The following TNS3 variants were observed in gnomAD, a reference collection of about 807,000 sequenced individuals.
The protein encoded by TNS3 is tensin 3, also known as tensin-3.
TNS3 carries 45 observed loss-of-function variants against 140.9 expected under a neutral mutation model. That is an observed-to-expected ratio of 0.32 (90% CI 0.25 to 0.41). The LOEUF is 0.41. Ranked by LOEUF, TNS3 falls within the 10% of genes least tolerant of loss-of-function variation. The pLI, the probability that TNS3 is intolerant of heterozygous loss-of-function variation, is 1.00. For synonymous variants in TNS3, 815 were observed against 788.4 expected (o/e 1.03, Z -0.56); for missense variants, 1,716 against 1,906.7 (o/e 0.90, Z 1.86).
At chr7:47,577,288 G>T (rs145881588) in intron 1 of TNS3, among the ~76,000 whole-genome samples, 1 of 152,348 alleles carries the variant, frequency 6.6e-6, no homozygotes, top group East Asian at 1.9e-4. Flanking sequence ...CCTGCAAAGG[G>T]CGTATTAAGT....
At chr7:47,352,274 G>GA (rs1320374685) in intron 17 of TNS3, among the ~76,000 whole-genome samples, 3 of 152,166 alleles carry the variant, frequency 2.0e-5, no homozygotes, top group African/African-American at 7.2e-5. Context: ...CTCTCACAGT[G>GA]TTTTTCATGA....
chr7:47,384,636 G>A (rs1410434453), intron 16 of TNS3, among the ~76,000 whole-genome samples: 1 of 152,208 alleles, frequency 6.6e-6, no homozygotes, highest in African/African-American at 2.4e-5. Flanking sequence ...CTCTTCAGGA[G>A]TGGTGGCCAG....
At chr7:47,389,020 A>G (rs1348950805) in intron 16 of TNS3, among the ~76,000 whole-genome samples, 4 of 2,428 alleles carry the variant, frequency 1.6e-3, no homozygotes, top group Non-Finnish European at 3.6e-3. Context: ...AAGAAGAAGA[A>G]GAAGAAGAAG....
At chr7:47,426,784 A>G (rs1794674795) in intron 9 of TNS3, among the ~76,000 whole-genome samples, 1 of 152,176 alleles carries the variant, frequency 6.6e-6, no homozygotes, top group Non-Finnish European at 1.5e-5. Context: ...GACTATCCAC[A>G]GTGCATGGAA....
rs531451928 is a variant in TNS3, at chr7:47,342,037, C to T, written c.2650+2718G>A. ...AGGTGTTCCTGTTGCCCTTCTGTTA[C>T]TGATTTCTAGTGAGTCCATTGTGGT... On this transcript the variant is annotated intron_variant, in intron 20 of 30. Transcript: ENST00000311160. Among the ~76,000 whole-genome samples the T allele has an allele frequency of 2.6e-5, 4 of 152,150 alleles. No individual in the cohort carries two copies. The East Asian group carries it at 7.8e-4, about 29-fold the overall frequency.
chr7:47,363,143 C>T (rs1790482522), intron 17 of TNS3, among the ~76,000 whole-genome samples: 1 of 81,092 alleles, frequency 1.2e-5, no homozygotes, highest in Admixed American at 1.3e-4. Flanking sequence ...CTGTCATCAT[C>T]ACCATCATCA....
rs753672940 is a variant in TNS3, at chr7:47,344,910, T to G, written c.2566+14A>C. 2 of 1,613,784 alleles carry G rather than the reference T, an allele frequency of 1.2e-6. No homozygotes were observed. The highest frequency in any genetic ancestry group is 4.5e-5 in the East Asian group (2 of 44,878). On this transcript the variant is annotated intron_variant, in intron 19 of 30. Transcript: ENST00000311160. ...ATGGAGCAGCACATGCAGCTAGTGT[T>G]ACTTCATTCTTACCATACGGTGTCT...
At chr7:47,338,382 A>G (rs1341899974) in intron 20 of TNS3, among the ~76,000 whole-genome samples, 3 of 152,190 alleles carry the variant, frequency 2.0e-5, no homozygotes, top group Admixed American at 2.0e-4. Flanking sequence ...TTTTTATTTT[A>G]GCCATTCTGA....
At position 47,459,017 on chromosome 7, in the gene TNS3, T is replaced by C. The variant is rs116773399; in HGVS notation, c.-75-16962A>G. Among the ~76,000 whole-genome samples, 551 of 152,318 alleles carry C rather than the reference T, an allele frequency of 3.6e-3. 3 individuals are homozygous for C. The highest frequency in any genetic ancestry group is 0.013 in the African/African-American group (525 of 41,574). ...GGCGACTTTCTTCCGCCCATACTTA[T>C]TTAAAAGCCAAATGGTGCTTTATGT... On this transcript the variant is annotated intron_variant, in intron 4 of 30. Coordinates refer to ENST00000311160, the MANE Select transcript of TNS3 (RefSeq NM_022748.12).
intron 17 of TNS3, among the ~76,000 whole-genome samples, chr7:47,347,066 G>A (rs1789386690): frequency 6.6e-6 from 1 of 152,090 alleles, no homozygotes; most frequent in South Asian, 2.1e-4. Flanking sequence ...TGGCAGTTAG[G>A]AAAAACCTGC....
intron 13 of TNS3, chr7:47,405,501 G>C (rs1260333015): frequency 1.4e-6 from 1 of 702,970 alleles, no homozygotes; most frequent in Admixed American, 2.0e-5. Context: ...CACTAACCAT[G>C]ATTTCTTCAC....
intron 20 of TNS3, among the ~76,000 whole-genome samples, chr7:47,311,017 C>G (rs1441198814): frequency 2.0e-5 from 3 of 151,610 alleles, no homozygotes; most frequent in Admixed American, 2.0e-4. Context: ...GTGAATAGTT[C>G]GCAATAAGCA....
chr7:47,425,865 A>T (rs185242088), intron 9 of TNS3, among the ~76,000 whole-genome samples: 19 of 152,270 alleles, frequency 1.2e-4, no homozygotes, highest in Admixed American at 1.2e-3. Context: ...TTTGTGATAA[A>T]GATCTCAAAT....
chr7:47,569,698 A>G (rs1278696769), intron 1 of TNS3, among the ~76,000 whole-genome samples: 5 of 150,754 alleles, frequency 3.3e-5, no homozygotes, highest in African/African-American at 4.9e-5. Context: ...TACTAAAAAT[A>G]CAAAAATTAG....
At chr7:47,474,762 A>C (rs111066309) in intron 4 of TNS3, among the ~76,000 whole-genome samples, 1 of 141,722 alleles carries the variant, frequency 7.1e-6, no homozygotes, top group African/African-American at 2.7e-5. Context: ...ACAACACACA[A>C]AGCACAACAC....
chr7:47,474,146 A>C (rs889205231), intron 4 of TNS3, among the ~76,000 whole-genome samples: 4 of 128,938 alleles, frequency 3.1e-5, no homozygotes, highest in African/African-American at 1.2e-4. Flanking sequence ...ACACACACAC[A>C]ACACACATAA....
At chr7:47,369,745 C>T in intron 16 of TNS3, 124 bp from the exon 17 acceptor site, 1 of 1,157,592 alleles carries the variant, frequency 8.6e-7, no homozygotes, top group South Asian at 1.7e-5. Context: ...TTACAATAAA[C>T]AAGGACAAAG....
chr7:47,506,841 A>G, intron 3 of TNS3, 66 bp downstream of exon 3: 1 of 1,208,908 alleles, frequency 8.3e-7, no homozygotes, highest in Non-Finnish European at 1.1e-6. Flanking sequence ...GCCCCCCCAC[A>G]CATATCATTC....
chr7:47,513,014 T>C (rs942888833), intron 2 of TNS3, among the ~76,000 whole-genome samples: 11 of 152,126 alleles, frequency 7.2e-5, no homozygotes, highest in African/African-American at 2.7e-4. Context: ...ATGTACAAAG[T>C]GGAAAGATAA....
Sources: allele counts gnomAD v4.1 joint callset (sites outside exome capture counted in the v4.1 genomes callset), GRCh38; gene constraint gnomAD v4.1.1; transcripts MANE v1.5; gene names NCBI Gene and HGNC (gene_info 2026-07-23, HGNC 2026-07-21).